The following FBXL2 variants were observed in gnomAD, a reference collection of about 807,000 sequenced individuals.
FBXL2 encodes F-box and leucine rich repeat protein 2, also known as F-box/LRR-repeat protein 2.
A neutral mutation model predicts 69.2 loss-of-function variants in FBXL2; 38 were observed. That is an observed-to-expected ratio of 0.55 (90% CI 0.42 to 0.72). FBXL2 has a LOEUF of 0.72. Among genes scored for constraint, FBXL2 ranks in the 30% least tolerant of loss-of-function variants. The probability of loss-of-function intolerance (pLI) is 0.00; values close to 1 mark genes in which losing one functional copy is unlikely to be tolerated. For missense variants in FBXL2, 354 were observed against 520.3 expected (o/e 0.68, Z 3.11); for synonymous variants, 192 against 201.3 (o/e 0.95, Z 0.39).
At chr3:33,283,259 G>C (rs186409155) in intron 1 of FBXL2, among the ~76,000 whole-genome samples, 37 of 152,176 alleles carry the variant, frequency 2.4e-4, no homozygotes, top group Admixed American at 6.5e-4. Context: ...TAGCAAGAAG[G>C]GCTGTTGAAT....
intron 2 of FBXL2, among the ~76,000 whole-genome samples, chr3:33,308,318 T>C (rs1346946250): frequency 6.6e-6 from 1 of 152,226 alleles, no homozygotes; most frequent in East Asian, 1.9e-4. Flanking sequence ...TTCAAGATTA[T>C]AGTCTGGTTG....
intron 4 of FBXL2, among the ~76,000 whole-genome samples, chr3:33,361,857 G>A (rs2041650245): frequency 1.3e-5 from 2 of 152,140 alleles, no homozygotes; most frequent in South Asian, 4.1e-4. Context: ...TTTGGAGGAT[G>A]CTTGCCCTAG....
At chr3:33,351,215 A>T (rs1252306501) in intron 2 of FBXL2, among the ~76,000 whole-genome samples, 3 of 152,152 alleles carry the variant, frequency 2.0e-5, no homozygotes, top group African/African-American at 7.2e-5. Context: ...CAATGAGCCA[A>T]GATTGCGCCA....
chr3:33,284,029 T>A (rs1002276258), intron 1 of FBXL2, among the ~76,000 whole-genome samples: 16 of 152,242 alleles, frequency 1.1e-4, no homozygotes, highest in Admixed American at 4.6e-4. Context: ...TTTTGAAGGG[T>A]TTTTTGTGTC....
chr3:33,296,497 A>T (rs906803077), intron 1 of FBXL2, among the ~76,000 whole-genome samples: 1 of 152,140 alleles, frequency 6.6e-6, no homozygotes, highest in African/African-American at 2.4e-5. Flanking sequence ...TCTAAGGGTT[A>T]TAATTTTAGC....
intron 12 of FBXL2, chr3:33,397,278 GACAA>G (rs1039391999): frequency 1.9e-5 from 10 of 540,246 alleles, no homozygotes; most frequent in African/African-American, 1.4e-4. Flanking sequence ...AATATAAGAA[GACAA>G]ACAGACACCT....
At position 33,340,082 on chromosome 3, in the gene FBXL2, T is replaced by C. The variant is rs534371778; in HGVS notation, c.66-18885T>C. On this transcript the variant is annotated intron_variant, in intron 2 of 14. Coordinates refer to ENST00000484457, the MANE Select transcript of FBXL2 (RefSeq NM_012157.5). ...TGCAATATCAGTTGAAATTAATCTA[T>C]GGTAATAAAATTCAGAGGTGTTTAC... Among the ~76,000 whole-genome samples the C allele has an allele frequency of 1.5e-4, 23 of 152,314 alleles. No individual in the cohort carries two copies. The South Asian group carries it at 1.7e-3, about 11-fold the overall frequency.
At chr3:33,409,687 C>T in the FBXL2 span, 3 of 1,512,846 alleles carry the variant, frequency 2.0e-6, no homozygotes, top group South Asian at 2.3e-5. Context: ...GACCTGACAC[C>T]ACTATAAATT....
At chr3:33,369,709 T>C (rs2042170514) in intron 5 of FBXL2, among the ~76,000 whole-genome samples, 1 of 152,006 alleles carries the variant, frequency 6.6e-6, no homozygotes, top group Non-Finnish European at 1.5e-5. Context: ...GCCTCCCAGG[T>C]TCAAGTGATT....
chr3:33,397,633 C>T (rs1319828426), intron 12 of FBXL2: 1 of 152,052 alleles, frequency 6.6e-6, no homozygotes, highest in Admixed American at 6.6e-5. Context: ...CTGAAACGTG[C>T]AATGTAAAGT....
At chr3:33,289,171 G>C (rs764287249) in intron 1 of FBXL2, among the ~76,000 whole-genome samples, 3 of 152,028 alleles carry the variant, frequency 2.0e-5, no homozygotes, top group Non-Finnish European at 2.9e-5. Context: ...TAAATACTGA[G>C]AGGTTAAATG....
chr3:33,368,866 G>T (rs199728178), intron 5 of FBXL2, among the ~76,000 whole-genome samples: 44 of 151,658 alleles, frequency 2.9e-4, no homozygotes, highest in Admixed American at 1.6e-3. Context: ...GATTACAGGC[G>T]TGAGCCACCG....
Position 33,381,102 on chromosome 3 carries a change from A to C in FBXL2, c.951+2361A>C, listed in dbSNP as rs1168177501. ...TTTCCTGTTAACTCAGAACAGGTCAAGCACCCTCTGATTTTCCTTAAATCA... is the reference window on the plus strand; with the variant it reads ...TTTCCTGTTAACTCAGAACAGGTCACGCACCCTCTGATTTTCCTTAAATCA... On this transcript the variant is annotated intron_variant, in intron 13 of 14. Coordinates refer to ENST00000484457, the MANE Select transcript of FBXL2 (RefSeq NM_012157.5). 2.6e-5 allele frequency among the ~76,000 whole-genome samples: 4 copies of C among 152,210 alleles called. No individual in the cohort carries two copies. The East Asian group carries it at 7.7e-4, about 29-fold the overall frequency.
intron 2 of FBXL2, among the ~76,000 whole-genome samples, chr3:33,354,484 G>A (rs546116922): frequency 2.0e-5 from 3 of 151,884 alleles, no homozygotes; most frequent in Non-Finnish European, 4.4e-5. Flanking sequence ...CTACACTCCA[G>A]CCTGGGTGAC....
At chr3:33,379,794 AATT>A (rs1490587395) in intron 13 of FBXL2, among the ~76,000 whole-genome samples, 1 of 152,142 alleles carries the variant, frequency 6.6e-6, no homozygotes, top group Non-Finnish European at 1.5e-5. Flanking sequence ...ATATAGAAAT[AATT>A]ATAATACCAT....
At chr3:33,283,488 G>A (rs1228529370) in intron 1 of FBXL2, among the ~76,000 whole-genome samples, 1 of 152,174 alleles carries the variant, frequency 6.6e-6, no homozygotes, top group Non-Finnish European at 1.5e-5. Context: ...ATGTTCATCA[G>A]GGATATTGGT....
chr3:33,400,975 T>G, intron 12 of FBXL2: 1 of 1,596,020 alleles, frequency 6.3e-7, no homozygotes, highest in South Asian at 1.2e-5. Context: ...ACCAGAGGTC[T>G]GTGAAGCTCC....
intron 13 of FBXL2, among the ~76,000 whole-genome samples, chr3:33,380,459 G>T (rs141125301): frequency 2.0e-5 from 3 of 151,232 alleles, no homozygotes; most frequent in Non-Finnish European, 4.4e-5. Flanking sequence ...TAGGGAGGCT[G>T]AGGCAGGAGA....
At chr3:33,290,617 G>C (rs1202312873) in intron 1 of FBXL2, among the ~76,000 whole-genome samples, 1 of 152,132 alleles carries the variant, frequency 6.6e-6, no homozygotes, top group Non-Finnish European at 1.5e-5. Flanking sequence ...CATTTGATAG[G>C]CTTAATAGCA....
Sources: allele counts gnomAD v4.1 joint callset (sites outside exome capture counted in the v4.1 genomes callset), GRCh38; gene constraint gnomAD v4.1.1; transcripts MANE v1.5; gene names NCBI Gene and HGNC (gene_info 2026-07-23, HGNC 2026-07-21).